DOK7: variants seen among roughly 807,000 people sequenced by gnomAD.
DOK7 encodes the protein protein Dok-7.
A neutral mutation model predicts 30.7 loss-of-function variants in DOK7; 32 were observed. The ratio of observed to expected loss-of-function variants is 1.04; its 90% confidence interval spans 0.79 to 1.40. The LOEUF is 1.40. DOK7 is among the 40% of genes most tolerant of loss of function. DOK7 has a pLI of 0.00. For synonymous variants in DOK7, 447 were observed against 324.1 expected, an observed-to-expected ratio of 1.38 and a Z score of -4.07; for missense variants, 1,007 against 699.2, an observed-to-expected ratio of 1.44 and a Z score of -4.97.
At chr4:3,468,774 ATGTGTGCCTGTGATCATGTATGTCTGTG>A (rs1386383508) in intron 2 of DOK7, among the ~76,000 whole-genome samples, 11 of 127,620 alleles carry the variant, frequency 8.6e-5, no homozygotes, top group African/African-American at 3.7e-4. Context: ...GTGTGCATGT[ATGTGTGCCTGTGATCATGTATGTCTGTG>A]TGTGCCTGTG....
At chr4:3,490,378 C>T (rs1469161612) in intron 6 of DOK7, among the ~76,000 whole-genome samples, 3 of 41,964 alleles carry the variant, frequency 7.1e-5, no homozygotes, top group African/African-American at 3.8e-4. Context: ...TTCCTTCCCC[C>T]CACCCCCTGC....
At chr4:3,489,438 G>C (rs1053043339) in intron 5 of DOK7, among the ~76,000 whole-genome samples, 2 of 152,180 alleles carry the variant, frequency 1.3e-5, no homozygotes, top group African/African-American at 4.8e-5. Flanking sequence ...TGGGCAGGTG[G>C]CAGGGCCATC....
intron 2 of DOK7, 131 bp downstream of exon 2, chr4:3,463,682 C>G (rs781432350): frequency 8.5e-7 from 1 of 1,181,768 alleles, no homozygotes; most frequent in African/African-American, 1.6e-5. Context: ...GAGCCCCGTG[C>G]GGACCCGGAC....
chr4:3,488,173 G>C (rs1164577920), intron 5 of DOK7, among the ~76,000 whole-genome samples: 1 of 152,240 alleles, frequency 6.6e-6, no homozygotes, highest in Non-Finnish European at 1.5e-5. Context: ...CAGGGCCACA[G>C]GGTCTTGGGC....
At chr4:3,490,012 C>A in intron 6 of DOK7, among the ~76,000 whole-genome samples, 1 of 118,520 alleles carries the variant, frequency 8.4e-6, no homozygotes, top group Non-Finnish European at 1.9e-5. Flanking sequence ...CCTTCCTTCT[C>A]CTCCTGCTCA....
At chr4:3,463,599 G>T in intron 2 of DOK7, 48 bp downstream of exon 2, 1 of 1,521,640 alleles carries the variant, frequency 6.6e-7, no homozygotes, top group South Asian at 1.2e-5. Flanking sequence ...AGCGACACGG[G>T]TTACCGAGGC....
chr4:3,487,263 C>T (rs1727869502), intron 5 of DOK7, among the ~76,000 whole-genome samples: 2 of 152,296 alleles, frequency 1.3e-5, no homozygotes, highest in South Asian at 4.1e-4. Context: ...GGGCAGCACC[C>T]CACCAGAGAA....
At chr4:3,500,461 G>C (rs555759483) in intron 7 of DOK7, 1,524 of 1,525,228 alleles carry the variant, frequency 1.0e-3, no homozygotes, top group Non-Finnish European at 1.3e-3. Flanking sequence ...CACAGCCTCA[G>C]GGCCCTGAGC....
chr4:3,500,367 G>A (rs1460152702), exon 7 of DOK7: 1 of 1,535,806 alleles, frequency 6.5e-7, no homozygotes, highest in African/African-American at 1.4e-5. Context: ...GCACTACATG[G>A]GCCTGGAGCT....
rs1211083175 is a variant in DOK7 at position 3,492,951 on chromosome 4, TGCGTCC to T, written c.969_974del (p.Pro324_Arg325del). The stretch of plus-strand genomic sequence containing the variant: ...GCCTCAAGGCCACCCCCCAAGCCGC[TGCGTCC>T]GCGGCAGCTGCAGGAGGTTGGCCGC... On this transcript the variant is annotated inframe_deletion, in exon 7 of 7. Transcript: ENST00000340083. 6.4e-7 allele frequency: 1 copy of T among 1,554,060 alleles called. No homozygotes were observed. Among genetic ancestry groups the T allele is most frequent in the Non-Finnish European group, 8.7e-7 (1 of 1,152,366 alleles).
intron 2 of DOK7, among the ~76,000 whole-genome samples, chr4:3,467,704 G>A (rs190253664): frequency 3.9e-5 from 6 of 152,268 alleles, no homozygotes; most frequent in East Asian, 1.9e-4. Flanking sequence ...TAGCTCAGGC[G>A]GCTCTTAGCG....
At position 3,476,303 on chromosome 4, in the gene DOK7, T is replaced by A; in HGVS notation, c.332-39T>A. The A allele has an allele frequency of 1.1e-5, 8 of 718,738 alleles. 1 individual carries two copies. Among genetic ancestry groups the A allele is most frequent in the African/African-American group, 4.6e-5 (1 of 21,760 alleles). 44.5% of individuals were successfully genotyped at this position (718,738 alleles called of 1,614,324 possible). A position where few individuals can be genotyped will look rare whatever the true frequency, so the allele number is the denominator to read the frequency against. On this transcript the variant is annotated intron_variant, in intron 3 of 6. Coordinates refer to ENST00000340083, the MANE Select transcript of DOK7 (RefSeq NM_173660.5). The stretch of plus-strand genomic sequence containing the variant: ...ACCCGCCCGTGATGTCCTCTCACCC[T>A]GCCCGCCCGTGATGCCCTCTTGCCC...
At chr4:3,489,925 T>C (rs1728092397) in intron 6 of DOK7, 129 bp downstream of exon 6, 2 of 1,395,206 alleles carry the variant, frequency 1.4e-6, no homozygotes, top group Non-Finnish European at 1.9e-6. Flanking sequence ...TTCTGTCTCC[T>C]GCTCATTCAT....
At position 3,468,854 on chromosome 4, in the gene DOK7, C is replaced by T. The variant is rs545589728; in HGVS notation, c.101-4552C>T. Reference sequence around the variant, plus strand: ...GTGTGTGTGCGTGTATGTGTGTGCGCGTATGAGTGTGCATGCCTGTGTACG... The same window carrying T: ...GTGTGTGTGCGTGTATGTGTGTGCGTGTATGAGTGTGCATGCCTGTGTACG... On this transcript the variant is annotated intron_variant, in intron 2 of 6. Coordinates refer to ENST00000340083, the MANE Select transcript of DOK7 (RefSeq NM_173660.5). Among the ~76,000 whole-genome samples the T allele has an allele frequency of 5.3e-3, 657 of 123,684 alleles. 1 individual carries two copies. The highest frequency in any genetic ancestry group is 0.011 in the African/African-American group (346 of 31,366). 81.1% of individuals were successfully genotyped at this position (123,684 alleles called of 152,430 possible).
At chr4:3,473,353 G>C in intron 2 of DOK7, 53 bp from the exon 3 acceptor site, 1 of 1,585,840 alleles carries the variant, frequency 6.3e-7, no homozygotes. Context: ...GGGACGCCAA[G>C]GGTGCGGGCA....
intron 4 of DOK7, chr4:3,484,751 C>T (rs1577164406): frequency 1.0e-6 from 1 of 985,544 alleles, no homozygotes; most frequent in African/African-American, 1.7e-5. Context: ...AGCACCCACA[C>T]ACTGGCAGCT....
At chr4:3,495,034 G>A (rs939816156), downstream of DOK7, among the ~76,000 whole-genome samples, 1 of 152,212 alleles carries the variant, frequency 6.6e-6, no homozygotes, top group Non-Finnish European at 1.5e-5. Flanking sequence ...TGCCTGGTGA[G>A]CAAGCGTGGG....
Position 3,487,596 on chromosome 4 carries a change from G to A in DOK7, c.652+1938G>A, listed in dbSNP as rs143918963. Among the ~76,000 whole-genome samples the A allele has an allele frequency of 3.1e-4, 47 of 152,334 alleles. 1 individual carries two copies. Among genetic ancestry groups the A allele is most frequent in the South Asian group, 1.7e-3 (8 of 4,828 alleles). ...GGGTCCACCATGCTCCGAGTATGGC[G>A]TGCATGTTACCTTCTTGGCCTGGCC... On this transcript the variant is annotated intron_variant, in intron 5 of 6. Coordinates refer to ENST00000340083, the MANE Select transcript of DOK7 (RefSeq NM_173660.5).
chr4:3,463,644 G>T, intron 2 of DOK7, 93 bp downstream of exon 2: 1 of 1,454,854 alleles, frequency 6.9e-7, no homozygotes. Flanking sequence ...CAAAATCGCC[G>T]CCGCTGTCAC....
Sources: gnomAD v4.1 joint callset for allele counts (sites outside exome capture counted in the v4.1 genomes callset) on GRCh38, gnomAD v4.1.1 for gene constraint, MANE v1.5 for transcripts, NCBI Gene and HGNC (gene_info 2026-07-23, HGNC 2026-07-21) for gene names.